The following LHFPL6 variants were observed in gnomAD, a reference collection of about 807,000 sequenced individuals.
LHFPL6 encodes LHFPL tetraspan subfamily member 6 protein.
In LHFPL6, 9 loss-of-function variants were observed where a neutral mutation model predicts 20.6. The observed-to-expected ratio is 0.44, with a 90% confidence interval of 0.26 to 0.76. The LOEUF is 0.76. Ranked by LOEUF, LHFPL6 falls within the 30% of genes least tolerant of loss-of-function variation. The pLI is 0.20. For missense variants in LHFPL6, 218 were observed against 253.5 expected (o/e 0.86, Z 0.95); for synonymous variants, 105 against 98.7 (o/e 1.06, Z -0.38).
In LHFPL6 at chr13:39,577,692, C is replaced by T. The variant is rs576788321; in HGVS notation, c.385+23140G>A. On this transcript the variant is annotated intron_variant, in intron 2 of 3. Transcript: ENST00000379589. ...TGTCGCCCACGCTAGAATGTAGTGGCGCTATCTTGGCTCGCTGCAACCTCC... is the reference window on the plus strand; with the variant it reads ...TGTCGCCCACGCTAGAATGTAGTGGTGCTATCTTGGCTCGCTGCAACCTCC... Among the ~76,000 whole-genome samples, 18 of 152,052 alleles carry T rather than the reference C, an allele frequency of 1.2e-4. No individual in the cohort carries two copies. In the South Asian group the frequency reaches 2.3e-3, roughly 19 times the overall value.
chr13:39,442,713 T>C (rs1872172172), intron 2 of LHFPL6, among the ~76,000 whole-genome samples: 1 of 152,222 alleles, frequency 6.6e-6, no homozygotes, highest in Non-Finnish European at 1.5e-5. Flanking sequence ...TTTTTTTCTT[T>C]CTTGCACTGT....
intron 2 of LHFPL6, among the ~76,000 whole-genome samples, chr13:39,533,007 C>G (rs1313467570): frequency 6.6e-6 from 1 of 152,146 alleles, no homozygotes; most frequent in Non-Finnish European, 1.5e-5. Flanking sequence ...TTGGAAAATA[C>G]TGCTATCACC....
intron 2 of LHFPL6, among the ~76,000 whole-genome samples, chr13:39,477,636 C>G (rs1364250394): frequency 6.6e-6 from 1 of 152,100 alleles, no homozygotes; most frequent in Non-Finnish European, 1.5e-5. Context: ...AAACATAATG[C>G]CTTTTGTTTG....
chr13:39,582,624 A>G (rs933998089), intron 2 of LHFPL6, among the ~76,000 whole-genome samples: 2 of 152,192 alleles, frequency 1.3e-5, no homozygotes, highest in African/African-American at 4.8e-5. Context: ...TTTAATGGCA[A>G]TGCTGAAAAT....
At chr13:39,596,643 T>TA (rs1234140874) in intron 2 of LHFPL6, among the ~76,000 whole-genome samples, 1 of 93,216 alleles carries the variant, frequency 1.1e-5, no homozygotes, top group Non-Finnish European at 2.1e-5. Flanking sequence ...TAGTAATCTA[T>TA]AAGGCATAAT....
intron 3 of LHFPL6, among the ~76,000 whole-genome samples, chr13:39,353,106 C>A (rs975265246): frequency 4.7e-5 from 7 of 150,140 alleles, no homozygotes; most frequent in Admixed American, 6.6e-5. Flanking sequence ...CCTCAGCCTC[C>A]CAAGTAGCTG....
intron 2 of LHFPL6, among the ~76,000 whole-genome samples, chr13:39,469,116 C>A (rs1478903857): frequency 2.6e-5 from 4 of 152,172 alleles, no homozygotes; most frequent in Non-Finnish European, 5.9e-5. Context: ...AACTCTCTTG[C>A]CAGTAGAGCT....
At chr13:39,522,291 A>G (rs1870132629) in intron 2 of LHFPL6, among the ~76,000 whole-genome samples, 1 of 152,240 alleles carries the variant, frequency 6.6e-6, no homozygotes, top group Admixed American at 6.5e-5. Flanking sequence ...CACAGGTTTT[A>G]GTAAATTACC....
At chr13:39,440,104 G>A (rs981942600) in intron 2 of LHFPL6, among the ~76,000 whole-genome samples, 1 of 152,166 alleles carries the variant, frequency 6.6e-6, no homozygotes, top group Non-Finnish European at 1.5e-5. Flanking sequence ...GGTTTAAAAG[G>A]GTAGAGAGAG....
intron 2 of LHFPL6, among the ~76,000 whole-genome samples, chr13:39,568,190 T>A (rs1593367250): frequency 1.3e-5 from 2 of 152,212 alleles, no homozygotes; most frequent in East Asian, 3.8e-4. Flanking sequence ...GTTGCATGTA[T>A]TTTCATAGTC....
chr13:39,514,248 G>C (rs766081709), intron 2 of LHFPL6, among the ~76,000 whole-genome samples: 4 of 152,050 alleles, frequency 2.6e-5, no homozygotes, highest in Non-Finnish European at 5.9e-5. Context: ...GGTTATGAAT[G>C]AATTAACAAG....
intron 2 of LHFPL6, among the ~76,000 whole-genome samples, chr13:39,596,400 T>C (rs1872771491): frequency 2.0e-5 from 3 of 152,120 alleles, no homozygotes; most frequent in African/African-American, 4.8e-5. Context: ...TTTCAAGGTG[T>C]CATCTCTGAA....
At chr13:39,424,654 A>G (rs1265361407) in intron 2 of LHFPL6, among the ~76,000 whole-genome samples, 1 of 152,206 alleles carries the variant, frequency 6.6e-6, no homozygotes, top group Non-Finnish European at 1.5e-5. Flanking sequence ...GGATTGTTAC[A>G]AAGTGAAAAA....
chr13:39,544,629 C>A (rs966071492), intron 2 of LHFPL6, among the ~76,000 whole-genome samples: 8 of 151,446 alleles, frequency 5.3e-5, no homozygotes, highest in African/African-American at 2.0e-4. Flanking sequence ...CCCTCTCAGA[C>A]TACATTGAAT....
At chr13:39,362,439 T>G (rs1869897793) in intron 3 of LHFPL6, among the ~76,000 whole-genome samples, 1 of 152,230 alleles carries the variant, frequency 6.6e-6, no homozygotes, top group Non-Finnish European at 1.5e-5. Context: ...AATTACCCAG[T>G]CTCAGGTAGT....
intron 2 of LHFPL6, among the ~76,000 whole-genome samples, chr13:39,509,329 C>T (rs979616104): frequency 6.6e-6 from 1 of 151,918 alleles, no homozygotes; most frequent in African/African-American, 2.4e-5. Flanking sequence ...ATCCATCACA[C>T]CTTTAATGTC....
intron 2 of LHFPL6, among the ~76,000 whole-genome samples, chr13:39,420,088 G>A (rs368265410): frequency 4.6e-5 from 7 of 152,250 alleles, no homozygotes; most frequent in African/African-American, 1.4e-4. Flanking sequence ...ACGCTAACAG[G>A]CAAGCCTCCT....
intron 2 of LHFPL6, among the ~76,000 whole-genome samples, chr13:39,517,789 T>C (rs1374048376): frequency 6.6e-6 from 1 of 152,184 alleles, no homozygotes; most frequent in African/African-American, 2.4e-5. Flanking sequence ...CAGCCTCCCA[T>C]GGCACTGGGA....
chr13:39,601,067 GCA>G lies in LHFPL6; in HGVS notation c.148_149del (p.Cys50LeufsTer6). The G allele has an allele frequency of 6.2e-7, 1 of 1,614,202 alleles. No individual in the cohort carries two copies. The highest frequency in any genetic ancestry group is 8.5e-7 in the Non-Finnish European group (1 of 1,180,032). On this transcript the variant is annotated frameshift_variant, in exon 2 of 4. Coordinates refer to ENST00000379589, the MANE Select transcript of LHFPL6 (RefSeq NM_005780.3). LOFTEE classifies it high-confidence loss of function. ...GACTCTCATCATGCACAGGATATGA[GCA>G]CCTCCGGAAGGTACCGAAGGACACA... ...KPVSFGTFRR[C>X]SYPVHDESRQ...
Sources: allele counts gnomAD v4.1 joint callset (sites outside exome capture counted in the v4.1 genomes callset), GRCh38; gene constraint gnomAD v4.1.1; transcripts MANE v1.5; gene names NCBI Gene and HGNC (gene_info 2026-07-23, HGNC 2026-07-21).